The following TGFBR3L variants were observed in gnomAD, a reference collection of about 807,000 sequenced individuals.
The protein encoded by TGFBR3L is transforming growth factor beta receptor 3 like.
TGFBR3L carries 21 observed loss-of-function variants against 20.4 expected under a neutral mutation model. That is an observed-to-expected ratio of 1.03 (90% CI 0.73 to 1.48). The LOEUF is 1.48. Ranked by LOEUF, TGFBR3L falls within the 40% of genes most tolerant of loss-of-function variation. The probability of loss-of-function intolerance (pLI) is 0.00; values close to 1 mark genes in which losing one functional copy is unlikely to be tolerated. For synonymous variants in TGFBR3L, 245 were observed against 244.2 expected (o/e 1.00, Z -0.03); for missense variants, 479 against 498.0 (o/e 0.96, Z 0.36).
rs1983366168 is a variant in TGFBR3L at position 7,917,548 on chromosome 19, C to T, written c.673C>T (p.Leu225=). Reference sequence around the variant, plus strand: ...GGGCCTGGCTGCTGACGGCCCCCACCTGCACACGCTGACGCAGCCTATCGT... The same window carrying T: ...GGGCCTGGCTGCTGACGGCCCCCACTTGCACACGCTGACGCAGCCTATCGT... The change falls in exon 3 of 6, where the codon CTG becomes TTG. Residue 225 remains leucine, a synonymous_variant. Transcript: ENST00000565886. 6.6e-7 allele frequency: 1 copy of T among 1,520,072 alleles called. No homozygotes were observed. The highest frequency in any genetic ancestry group is 2.0e-5 in the Admixed American group (1 of 49,102). 94.2% of individuals were successfully genotyped at this position (1,520,072 alleles called of 1,614,324 possible). A position where few individuals can be genotyped will look rare whatever the true frequency, so the allele number is the denominator to read the frequency against.
rs541733870 is a variant in TGFBR3L at position 7,916,871 on chromosome 19, T to TGCC, written c.533_535dup (p.Arg178dup). The TGCC allele has an allele frequency of 1.6e-4, 218 of 1,385,382 alleles. No homozygotes were observed. In the South Asian group the frequency reaches 3.3e-3, roughly 21 times the overall value. The allele number at this position is 1,385,382 out of a possible 1,614,324, so 85.8% of individuals were successfully genotyped here. ...GTTCCTGCACTGCCAGCTGAGCCGCTGCCGCCGCCTCCGGGGAGTCCGCCG... is the reference window on the plus strand; with the variant it reads ...GTTCCTGCACTGCCAGCTGAGCCGCTGCCGCCGCCGCCTCCGGGGAGTCCGCCG... On this transcript the variant is annotated inframe_insertion, in exon 2 of 6. Coordinates refer to ENST00000565886, the MANE Select transcript of TGFBR3L (RefSeq NM_001195259.2).
rs757194543 is a variant in TGFBR3L at position 7,917,739 on chromosome 19, G to C, written c.763G>C (p.Glu255Gln). Reference sequence around the variant, plus strand: ...TGTCCCCGGCCGTGCAGTGCGCCCTGAGCCTCCCGCGCCGGCCCCCGCGGC... The same window carrying C: ...TGTCCCCGGCCGTGCAGTGCGCCCTCAGCCTCCCGCGCCGGCCCCCGCGGC... The change falls in exon 4 of 6, where the codon GAG becomes CAG. Residue 255 changes from glutamate to glutamine, a missense_variant. Glu to Gln is a conservative substitution (Grantham distance 29). Transcript: ENST00000565886. 7.0e-7 allele frequency: 1 copy of C among 1,430,918 alleles called. No individual in the cohort carries two copies. Among genetic ancestry groups the C allele is most frequent in the South Asian group, 1.4e-5 (1 of 70,202 alleles). The allele number at this position is 1,430,918 out of a possible 1,614,324, so 88.6% of individuals were successfully genotyped here.
chr19:7,916,172 T>C lies in TGFBR3L; in HGVS notation c.-96T>C. 6.8e-7 allele frequency: 1 copy of C among 1,462,356 alleles called. No homozygotes were observed. The highest frequency in any genetic ancestry group is 9.0e-7 in the Non-Finnish European group (1 of 1,109,582). The allele number at this position is 1,462,356 out of a possible 1,614,324, so 90.6% of individuals were successfully genotyped here. Reference sequence around the variant, plus strand: ...CTTCGGAGGCTTCTCTAGGGGCGCATGGCTCTGCAACCGGCTCAGTTGCTG... The same window carrying C: ...CTTCGGAGGCTTCTCTAGGGGCGCACGGCTCTGCAACCGGCTCAGTTGCTG... On this transcript the variant is annotated 5_prime_UTR_variant, in exon 1 of 6. Transcript: ENST00000565886.
rs1181085073 is a variant in TGFBR3L at position 7,919,088 on chromosome 19, G to C, written c.*177G>C. 1.0e-5 allele frequency: 4 copies of C among 398,726 alleles called. No individual in the cohort carries two copies. Among genetic ancestry groups the C allele is most frequent in the Non-Finnish European group, 1.8e-5 (4 of 226,198 alleles). The allele number at this position is 398,726 out of a possible 1,614,324, so 24.7% of individuals were successfully genotyped here. ...TGTGCTCAAAATAAACCTCTGGACTGACCGGCTAAGTTCTGGTGCAGTCAG... is the reference window on the plus strand; with the variant it reads ...TGTGCTCAAAATAAACCTCTGGACTCACCGGCTAAGTTCTGGTGCAGTCAG... On this transcript the variant is annotated 3_prime_UTR_variant, in exon 6 of 6. Transcript: ENST00000565886.
At position 7,915,226 on chromosome 19, in the gene TGFBR3L, C is replaced by T. The variant is rs1403173044; in HGVS notation, c.-1042C>T. Among the ~76,000 whole-genome samples the T allele has an allele frequency of 1.3e-5, 2 of 152,228 alleles. No homozygotes were observed. Among genetic ancestry groups the T allele is most frequent in the Middle Eastern group, 3.4e-3 (1 of 294 alleles). Reference sequence around the variant, plus strand: ...CTGACCTCAGGCGATCCGCCCGCCTCGAACTTTTCAAAGTGCTGGGATTAC... The same window carrying T: ...CTGACCTCAGGCGATCCGCCCGCCTTGAACTTTTCAAAGTGCTGGGATTAC... On this transcript the variant is annotated 5_prime_UTR_variant, in exon 1 of 6. Transcript: ENST00000565886.
At chr19:7,917,418 C>A in intron 2 of TGFBR3L, 55 bp from the exon 4 acceptor site, 1 of 1,500,388 alleles carries the variant, frequency 6.7e-7, no homozygotes, top group Non-Finnish European at 8.8e-7. Flanking sequence ...GGGACCAGAG[C>A]CACGATCCCG....
chr19:7,916,517 C>T lies in TGFBR3L; in HGVS notation c.250C>T (p.Pro84Ser). ...TCGCCGCGCGGGGCCGCTCGAGGTCCCGGCCGACAGCCGCGTGTTCGTGCA... is the reference window on the plus strand; with the variant it reads ...TCGCCGCGCGGGGCCGCTCGAGGTCTCGGCCGACAGCCGCGTGTTCGTGCA... The change falls in exon 1 of 6, where the codon CCG becomes TCG. Residue 84 changes from proline (P) to serine (S), a missense_variant. Pro to Ser is a moderately conservative substitution (Grantham distance 74, BLOSUM62 -1). Coordinates refer to ENST00000565886, the MANE Select transcript of TGFBR3L (RefSeq NM_001195259.2). The T allele has an allele frequency of 3.3e-6, 5 of 1,510,662 alleles. No individual in the cohort carries two copies. The highest frequency in any genetic ancestry group is 3.5e-6 in the Non-Finnish European group (4 of 1,132,024). 93.6% of individuals were successfully genotyped at this position (1,510,662 alleles called of 1,614,324 possible). A position where few individuals can be genotyped will look rare whatever the true frequency, so the allele number is the denominator to read the frequency against.
intron 2 of TGFBR3L, 145 bp downstream of exon 3, chr19:7,917,087 G>C: frequency 8.6e-7 from 1 of 1,156,508 alleles, no homozygotes; most frequent in Non-Finnish European, 1.1e-6. Context: ...CATCTCTGCC[G>C]ACAGAGTTTC....
In TGFBR3L at chr19:7,916,695, C is replaced by G. The variant is rs1368742180; in HGVS notation, c.350C>G (p.Pro117Arg). The G allele has an allele frequency of 1.4e-6, 2 of 1,439,544 alleles. No individual in the cohort carries two copies. The highest frequency in any genetic ancestry group is 5.9e-5 in the Admixed American group (2 of 34,142). 89.2% of individuals were successfully genotyped at this position (1,439,544 alleles called of 1,614,324 possible). A position where few individuals can be genotyped will look rare whatever the true frequency, so the allele number is the denominator to read the frequency against. Residue 117 changes from proline (P) to arginine (R), a missense_variant, in exon 2 of 6, where the codon CCG (proline) becomes CGG (arginine). Pro to Arg is a moderately radical substitution (Grantham distance 103). Transcript: ENST00000565886. ...TGCTCAGTGACGCCGTCCTCACGCC[C>G]GGCCCCGGGGCCCGCCCTGGCTCTG... is the stretch of plus-strand genomic sequence containing the variant.
Position 7,916,899 on chromosome 19 carries a change from C to G in TGFBR3L, c.554C>G (p.Ala185Gly). 1 of 1,330,512 alleles carries G rather than the reference C, an allele frequency of 7.5e-7. No individual in the cohort carries two copies. Among genetic ancestry groups the G allele is most frequent in the South Asian group, 2.1e-5 (1 of 47,178 alleles). The allele number at this position is 1,330,512 out of a possible 1,614,324, so 82.4% of individuals were successfully genotyped here. ...CGCCGCCTCCGGGGAGTCCGCCGGG[C>G]GCCTGCGCCTCTGACGCCGCCGCCG... Residue 185 changes from alanine (A) to glycine (G), a missense_variant, in exon 2 of 6, where the codon GCG becomes GGG. Coordinates refer to ENST00000565886, the MANE Select transcript of TGFBR3L (RefSeq NM_001195259.2).
intron 2 of TGFBR3L, 68 bp downstream of exon 3, chr19:7,917,010 G>C: frequency 7.9e-7 from 1 of 1,260,104 alleles, no homozygotes; most frequent in Non-Finnish European, 9.9e-7. Context: ...GGCGACTCTG[G>C]CAGTGGAAAG....
At position 7,914,913 on chromosome 19, in the gene TGFBR3L, C is replaced by T. The variant is rs551018076; in HGVS notation, c.-1355C>T. ...TCCCAGGGATCACCACCTTACCCAG[C>T]GGGCCACCTGGTATGTATGGGCAGG... On this transcript the variant is annotated 5_prime_UTR_variant, in exon 1 of 6. Coordinates refer to ENST00000565886, the MANE Select transcript of TGFBR3L (RefSeq NM_001195259.2). Among the ~76,000 whole-genome samples, 8 of 152,314 alleles carry T rather than the reference C, an allele frequency of 5.3e-5. No homozygotes were observed. The highest frequency in any genetic ancestry group is 1.9e-4 in the African/African-American group (8 of 41,560).
In TGFBR3L at chr19:7,918,953, C is replaced by A. The variant is rs1474524088; in HGVS notation, c.*42C>A. ...CCCCAACATGGTCCGGAGATACACC[C>A]AGCTACCAATTCGGGACCAGGACCA... On this transcript the variant is annotated 3_prime_UTR_variant, in exon 6 of 6. Transcript: ENST00000565886. 1 of 398,496 alleles carries A rather than the reference C, an allele frequency of 2.5e-6. No individual in the cohort carries two copies. The highest frequency in any genetic ancestry group is 4.4e-6 in the Non-Finnish European group (1 of 226,096). The allele number at this position is 398,496 out of a possible 1,614,324, so 24.7% of individuals were successfully genotyped here.
intron 2 of TGFBR3L, 62 bp downstream of exon 3, chr19:7,917,004 A>G (rs1983342624): frequency 8.0e-7 from 1 of 1,248,774 alleles, no homozygotes; most frequent in Non-Finnish European, 1.0e-6. Flanking sequence ...GGCACGGGCG[A>G]CTCTGGCAGT....
At position 7,917,956 on chromosome 19, in the gene TGFBR3L, A is replaced by G. The variant is rs995767777; in HGVS notation, c.883+97A>G. 203 of 1,458,456 alleles carry G rather than the reference A, an allele frequency of 1.4e-4. 3 individuals are homozygous for G. The South Asian group carries it at 2.7e-3, about 20-fold the overall frequency. The allele number at this position is 1,458,456 out of a possible 1,614,324, so 90.3% of individuals were successfully genotyped here. ...CCGCCTGCGGGGCCTGATCAACCCT[A>G]GCTAGGCCTGCCTCCGCGATGCCCG... On this transcript the variant is annotated intron_variant, in intron 4 of 5. Transcript: ENST00000565886.
chr19:7,918,199 C>T (rs1039347746), intron 5 of TGFBR3L, 70 bp downstream of exon 6: 243 of 1,455,756 alleles, frequency 1.7e-4, no homozygotes, highest in Non-Finnish European at 2.1e-4. Flanking sequence ...GCGCTTAGTT[C>T]GTGCCAGGCA....
At position 7,916,017 on chromosome 19, in the gene TGFBR3L, A is replaced by G; in HGVS notation, c.-251A>G. ...GCACCTATCTCCCCTTAGAAAGGGG[A>G]GCCGCCTGTCCTGCTGCGTCCCCAA... is the stretch of plus-strand genomic sequence containing the variant. On this transcript the variant is annotated 5_prime_UTR_variant, in exon 1 of 6. Coordinates refer to ENST00000565886, the MANE Select transcript of TGFBR3L (RefSeq NM_001195259.2). 6.8e-6 allele frequency: 4 copies of G among 589,024 alleles called. No individual in the cohort carries two copies. The allele number at this position is 589,024 out of a possible 1,614,324, so 36.5% of individuals were successfully genotyped here. A position where few individuals can be genotyped will look rare whatever the true frequency, so the allele number is the denominator to read the frequency against.
chr19:7,917,245 C>G (rs1240593345), intron 2 of TGFBR3L, among the ~76,000 whole-genome samples: 3 of 152,118 alleles, frequency 2.0e-5, no homozygotes, highest in Non-Finnish European at 4.4e-5. Flanking sequence ...AGACGCGGAC[C>G]ATGCGATCTT....
At position 7,915,148 on chromosome 19, in the gene TGFBR3L, T is replaced by C; in HGVS notation, c.-1120T>C. 6.6e-6 allele frequency among the ~76,000 whole-genome samples: 1 copy of C among 152,186 alleles called. No individual in the cohort carries two copies. The highest frequency in any genetic ancestry group is 2.1e-4 in the South Asian group (1 of 4,834). On this transcript the variant is annotated 5_prime_UTR_variant, in exon 1 of 6. Coordinates refer to ENST00000565886, the MANE Select transcript of TGFBR3L (RefSeq NM_001195259.2). ...CACCACCACGCCTGGCTAATTGTTGTATTTTTAGTAGAGACAGCGTTTCCC... is the reference window on the plus strand; with the variant it reads ...CACCACCACGCCTGGCTAATTGTTGCATTTTTAGTAGAGACAGCGTTTCCC...
Sources: gnomAD v4.1 joint callset for allele counts (sites outside exome capture counted in the v4.1 genomes callset) on GRCh38, gnomAD v4.1.1 for gene constraint, MANE v1.5 for transcripts, NCBI Gene and HGNC (gene_info 2026-07-23, HGNC 2026-07-21) for gene names.